FMNL2: variants seen among roughly 807,000 people sequenced by gnomAD.
FMNL2 encodes formin like 2.
In FMNL2, 51 loss-of-function variants were observed where a neutral mutation model predicts 130.2. The observed-to-expected ratio is 0.39, with a 90% CI of 0.31 to 0.49. The LOEUF is 0.49. Ranked by LOEUF, FMNL2 falls within the 20% of genes least tolerant of loss-of-function variation. The pLI is 0.85. For missense variants in FMNL2, 977 were observed against 1,316.2 expected, an observed-to-expected ratio of 0.74 and a Z score of 3.99; for synonymous variants, 465 against 467.1, an observed-to-expected ratio of 1.00 and a Z score of 0.06.
chr2:152,536,257 C>A (rs952678042), intron 2 of FMNL2, among the ~76,000 whole-genome samples: 3 of 152,170 alleles, frequency 2.0e-5, no homozygotes, highest in African/African-American at 7.2e-5. Context: ...TCATCTTTTC[C>A]TCTCCCTGTT....
At chr2:152,624,499 C>T (rs1681634578) in intron 15 of FMNL2, among the ~76,000 whole-genome samples, 1 of 149,780 alleles carries the variant, frequency 6.7e-6, no homozygotes. Context: ...ATTTTTAAGA[C>T]AGAGTCTTGG....
intron 6 of FMNL2, among the ~76,000 whole-genome samples, chr2:152,565,916 C>T (rs556200025): frequency 7.2e-5 from 11 of 151,976 alleles, no homozygotes; most frequent in Non-Finnish European, 1.3e-4. Flanking sequence ...AGTAGTTGGG[C>T]CTACAGGTGT....
intron 2 of FMNL2, among the ~76,000 whole-genome samples, chr2:152,531,320 G>C (rs542715172): frequency 1.3e-5 from 2 of 152,218 alleles, no homozygotes; most frequent in African/African-American, 4.8e-5. Context: ...GATCCTATTT[G>C]AAAGTTTGGC....
At chr2:152,481,118 C>A (rs986629252) in intron 1 of FMNL2, among the ~76,000 whole-genome samples, 1 of 152,204 alleles carries the variant, frequency 6.6e-6, no homozygotes, top group African/African-American at 2.4e-5. Context: ...TGCATGGACT[C>A]TTTTATGGCT....
rs1335580097 is a variant in FMNL2 at position 152,640,883 on chromosome 2, A to G, written c.3138A>G (p.Gly1046=). The G allele has an allele frequency of 6.2e-7, 1 of 1,613,630 alleles. No individual in the cohort carries two copies. Among genetic ancestry groups the G allele is most frequent in the Non-Finnish European group, 8.5e-7 (1 of 1,179,740 alleles). Residue 1046 remains glycine, a synonymous_variant, in exon 25 of 26, where the codon GGA becomes GGG. Coordinates refer to ENST00000288670, the MANE Select transcript of FMNL2 (RefSeq NM_052905.4). ...AAGATAACAGACATGTATATGAGGG[A>G]AAAGATGGTGCCATTGAAGATATTA... The part of the protein sequence containing the change: ...QVKDNRHVYE[G]KDGAIEDIIT...
chr2:152,636,681 A>G, intron 22 of FMNL2, 91 bp downstream of exon 22: 1 of 1,407,602 alleles, frequency 7.1e-7, no homozygotes, highest in Non-Finnish European at 9.5e-7. Flanking sequence ...GAAATGTTCC[A>G]TTTCCCTCTG....
intron 1 of FMNL2, among the ~76,000 whole-genome samples, chr2:152,428,841 A>AT (rs1425955659): frequency 2.6e-5 from 4 of 152,176 alleles, no homozygotes; most frequent in Non-Finnish European, 5.9e-5. Flanking sequence ...AATATGTCAT[A>AT]TACCTCAAGG....
intron 1 of FMNL2, among the ~76,000 whole-genome samples, chr2:152,342,448 G>A (rs557732516): frequency 3.9e-4 from 59 of 152,334 alleles, no homozygotes; most frequent in African/African-American, 1.2e-3. Context: ...ATCTTGTAGA[G>A]CGGCTCTTTA....
intron 11 of FMNL2, 32 bp downstream of exon 11, chr2:152,611,637 T>C: frequency 1.4e-6 from 2 of 1,397,206 alleles, no homozygotes; most frequent in Middle Eastern, 1.8e-4. Flanking sequence ...GGCTCCAATA[T>C]AAGAATTGAC....
intron 1 of FMNL2, among the ~76,000 whole-genome samples, chr2:152,516,824 A>C (rs1387484612): frequency 6.6e-6 from 1 of 152,160 alleles, no homozygotes; most frequent in African/African-American, 2.4e-5. Flanking sequence ...TGTGGGTATA[A>C]CTTGAGATGT....
intron 9 of FMNL2, among the ~76,000 whole-genome samples, chr2:152,592,816 T>G (rs1697510872): frequency 6.6e-6 from 1 of 152,206 alleles, no homozygotes; most frequent in Admixed American, 6.5e-5. Flanking sequence ...ATATACAGCC[T>G]TACATAACAT....
intron 1 of FMNL2, among the ~76,000 whole-genome samples, chr2:152,398,049 G>T (rs1685496009): frequency 6.6e-6 from 1 of 152,290 alleles, no homozygotes; most frequent in Admixed American, 6.5e-5. Context: ...CTTGAACCTG[G>T]GAGGTGGAGG....
At chr2:152,372,509 A>G (rs1457908163) in intron 1 of FMNL2, among the ~76,000 whole-genome samples, 1 of 152,152 alleles carries the variant, frequency 6.6e-6, no homozygotes, top group Non-Finnish European at 1.5e-5. Flanking sequence ...CATCTGGGAA[A>G]AGATCCTCTT....
At chr2:152,589,944 T>TAC (rs1416037920) in intron 9 of FMNL2, among the ~76,000 whole-genome samples, 526 of 9,114 alleles carry the variant, frequency 0.058, 5 homozygotes, top group African/African-American at 0.16. Flanking sequence ...TTTATACATA[T>TAC]ATATATATAT....
intron 1 of FMNL2, among the ~76,000 whole-genome samples, chr2:152,408,246 T>TA (rs1686101446): frequency 6.6e-6 from 1 of 152,220 alleles, no homozygotes; most frequent in Non-Finnish European, 1.5e-5. Flanking sequence ...AAGAACTTTT[T>TA]TAAAAAAAAC....
At chr2:152,363,436 T>C (rs1184679388) in intron 1 of FMNL2, among the ~76,000 whole-genome samples, 2 of 152,256 alleles carry the variant, frequency 1.3e-5, no homozygotes, top group Non-Finnish European at 2.9e-5. Flanking sequence ...GGACTTTTAC[T>C]AAGATACTTG....
chr2:152,614,740 C>A, intron 11 of FMNL2, 111 bp from the exon 12 acceptor site: 1 of 723,960 alleles, frequency 1.4e-6, no homozygotes, highest in Non-Finnish European at 1.9e-6. Flanking sequence ...GAAACTCCAT[C>A]TCAAAACAAA....
chr2:152,489,544 C>G (rs768411583), intron 1 of FMNL2, among the ~76,000 whole-genome samples: 13 of 152,230 alleles, frequency 8.5e-5, no homozygotes, highest in Non-Finnish European at 1.6e-4. Flanking sequence ...GCAAGATTAA[C>G]AGAACAGCTG....
At chr2:152,613,256 A>G (rs149274247) in intron 11 of FMNL2, among the ~76,000 whole-genome samples, 19 of 152,318 alleles carry the variant, frequency 1.2e-4, no homozygotes, top group African/African-American at 4.3e-4. Flanking sequence ...CCTATGCTCT[A>G]AAAGTATCAG....
Sources: gnomAD v4.1 joint callset for allele counts (sites outside exome capture counted in the v4.1 genomes callset) on GRCh38, gnomAD v4.1.1 for gene constraint, MANE v1.5 for transcripts, NCBI Gene and HGNC (gene_info 2026-07-23, HGNC 2026-07-21) for gene names.